The following DAPK1 variants were observed in gnomAD, a reference collection of about 807,000 sequenced individuals.
DAPK1 encodes death-associated protein kinase 1.
DAPK1 carries 56 observed loss-of-function variants against 144.9 expected under a neutral mutation model. That is an observed-to-expected ratio of 0.39 (90% CI 0.31 to 0.48). The LOEUF (loss-of-function observed/expected upper bound fraction) is 0.48, where lower values mean the gene tolerates loss of function less well. Among genes scored for constraint, DAPK1 ranks in the 20% least tolerant of loss-of-function variants. The probability of loss-of-function intolerance (pLI) is 0.95; values close to 1 mark genes in which losing one functional copy is unlikely to be tolerated. For missense variants in DAPK1, 1,454 were observed against 1,875.4 expected (o/e 0.78, Z 4.15); for synonymous variants, 690 against 749.0 (o/e 0.92, Z 1.29).
At chr9:87,702,444 TTGA>T (rs1251803332) in intron 24 of DAPK1, among the ~76,000 whole-genome samples, 1 of 152,156 alleles carries the variant, frequency 6.6e-6, no homozygotes, top group Admixed American at 6.5e-5. Flanking sequence ...CACTCTAATA[TTGA>T]TGATGATACT....
intron 2 of DAPK1, among the ~76,000 whole-genome samples, chr9:87,589,661 C>A (rs1002926131): frequency 3.3e-5 from 5 of 152,086 alleles, no homozygotes; most frequent in African/African-American, 1.2e-4. Flanking sequence ...ATTCCTTTTG[C>A]AAATTTGATT....
chr9:87,700,089 G>A, intron 23 of DAPK1, 28 bp from the exon 24 acceptor site: 1 of 1,603,522 alleles, frequency 6.2e-7, no homozygotes, highest in South Asian at 1.1e-5. Flanking sequence ...TTGACTCACT[G>A]CTGAGGAGGC....
intron 19 of DAPK1, among the ~76,000 whole-genome samples, chr9:87,674,514 CAAAAAAAAAAA>C (rs35817698): frequency 3.3e-4 from 22 of 67,632 alleles, no homozygotes; most frequent in African/African-American, 1.3e-3. Context: ...GACTCTGTCT[CAAAAAAAAAAA>C]AAAAAAAAAA....
chr9:87,518,160 G>A (rs1362406661), intron 2 of DAPK1, among the ~76,000 whole-genome samples: 1 of 144,092 alleles, frequency 6.9e-6, no homozygotes, highest in East Asian at 2.1e-4. Flanking sequence ...CACCCAGGCT[G>A]AAGTGCAGTG....
rs116605015 is a variant in DAPK1, at chr9:87,620,048, C to G, written c.284+14873C>G. On this transcript the variant is annotated intron_variant, in intron 3 of 25. Coordinates refer to ENST00000408954, the MANE Select transcript of DAPK1 (RefSeq NM_004938.4). ...GTTGAAAAGGAGATCTGAACCTCAT[C>G]TGCTCTCCTTAGAGGCCTCTGGTGG... Among the ~76,000 whole-genome samples, 537 of 152,302 alleles carry G rather than the reference C, an allele frequency of 3.5e-3. 6 individuals carry two copies. Among genetic ancestry groups the G allele is most frequent in the African/African-American group, 0.012 (503 of 41,570 alleles).
intron 3 of DAPK1, chr9:87,632,632 G>A: frequency 1.0e-6 from 1 of 982,848 alleles, no homozygotes; most frequent in Non-Finnish European, 1.2e-6. Context: ...CAGTATATAT[G>A]TAGGGATGAA....
intron 13 of DAPK1, 72 bp from the exon 14 acceptor site, chr9:87,647,233 G>A (rs1173957238): frequency 1.7e-6 from 2 of 1,182,442 alleles, no homozygotes; most frequent in East Asian, 4.7e-5. Context: ...AAATAACAGT[G>A]AGTCTGAGGA....
At chr9:87,541,116 C>T (rs1012009498) in intron 2 of DAPK1, among the ~76,000 whole-genome samples, 3 of 152,184 alleles carry the variant, frequency 2.0e-5, no homozygotes, top group African/African-American at 7.2e-5. Flanking sequence ...TACAAAATTG[C>T]AACATTCAAT....
Position 87,505,992 on chromosome 9 carries a change from G to A in DAPK1, c.62+6853G>A, listed in dbSNP as rs79213339. On this transcript the variant is annotated intron_variant, in intron 2 of 25. Coordinates refer to ENST00000408954, the MANE Select transcript of DAPK1 (RefSeq NM_004938.4). ...CGTCAGCCTCTCGCTGTGCCTGGCCGGGACTTTGACCTGGAAGAAGGCTGA... is the reference window on the plus strand; with the variant it reads ...CGTCAGCCTCTCGCTGTGCCTGGCCAGGACTTTGACCTGGAAGAAGGCTGA... Among the ~76,000 whole-genome samples, 1,110 of 152,270 alleles carry A rather than the reference G, an allele frequency of 7.3e-3. 7 individuals are homozygous for A. Among genetic ancestry groups the A allele is most frequent in the Non-Finnish European group, 0.013 (917 of 68,014 alleles).
intron 2 of DAPK1, among the ~76,000 whole-genome samples, chr9:87,589,055 A>ATTTTTTTTTTTTTT (rs35875159): frequency 2.0e-5 from 2 of 101,200 alleles, no homozygotes; most frequent in Non-Finnish European, 1.9e-5. Context: ...CGCCCGGCTA[A>ATTTTTTTTTTTTTT]TTTTTTTTTT....
At chr9:87,510,413 G>A (rs1163205220) in intron 2 of DAPK1, among the ~76,000 whole-genome samples, 2 of 152,200 alleles carry the variant, frequency 1.3e-5, no homozygotes, top group Non-Finnish European at 2.9e-5. Flanking sequence ...ATAACCTGGA[G>A]AATGAGAAGG....
intron 23 of DAPK1, among the ~76,000 whole-genome samples, chr9:87,699,792 C>T (rs1475698270): frequency 6.6e-6 from 1 of 152,180 alleles, no homozygotes; most frequent in African/African-American, 2.4e-5. Flanking sequence ...ATCTCTTGTC[C>T]TCACTTGTAA....
chr9:87,528,764 CG>C (rs79846576), intron 2 of DAPK1, among the ~76,000 whole-genome samples: 66,991 of 150,140 alleles, frequency 0.45, 15,187 homozygotes, highest in South Asian at 0.57. Context: ...CCCAGCTACT[CG>C]GGAGGCTGAG....
intron 2 of DAPK1, among the ~76,000 whole-genome samples, chr9:87,525,789 C>T (rs1185662928): frequency 6.6e-6 from 1 of 152,162 alleles, no homozygotes; most frequent in Non-Finnish European, 1.5e-5. Flanking sequence ...GTCTGAGGAG[C>T]TTAATTTCCC....
chr9:87,567,395 G>T (rs1034971050), intron 2 of DAPK1, among the ~76,000 whole-genome samples: 4 of 152,094 alleles, frequency 2.6e-5, no homozygotes, highest in Admixed American at 6.6e-5. Context: ...GGGAATGGGG[G>T]TAGGGAAGGG....
At chr9:87,623,717 C>G (rs978579653) in intron 3 of DAPK1, among the ~76,000 whole-genome samples, 1 of 152,004 alleles carries the variant, frequency 6.6e-6, no homozygotes. Context: ...AGGGATTGTG[C>G]CGGGGATCGA....
chr9:87,600,896 T>A (rs542202370), intron 2 of DAPK1, among the ~76,000 whole-genome samples: 71 of 152,328 alleles, frequency 4.7e-4, no homozygotes, highest in African/African-American at 1.6e-3. Flanking sequence ...CTTGCTGCTT[T>A]ATGTGCATTC....
chr9:87,671,180 G>A (rs949190215), intron 19 of DAPK1, among the ~76,000 whole-genome samples: 3 of 152,200 alleles, frequency 2.0e-5, no homozygotes, highest in East Asian at 1.9e-4. Context: ...TTGCTGCGGC[G>A]CTTCCTCCAA....
Position 87,649,956 on chromosome 9 carries a change from C to T in DAPK1, c.1464C>T (p.His488=), listed in dbSNP as rs774913098. 1.1e-5 allele frequency: 18 copies of T among 1,614,056 alleles called. No individual in the cohort carries two copies. Among genetic ancestry groups the T allele is most frequent in the Admixed American group, 1.7e-5 (1 of 60,008 alleles). Residue 488 remains histidine (H), a synonymous_variant, in exon 16 of 26, where the codon CAC becomes CAT. Transcript: ENST00000408954. The stretch of plus-strand genomic sequence containing the variant: ...CCCCCCTGCACTGTGCTGCTTGGCA[C>T]GGCTATTACTCTGTGGCCAAAGCCC... ...EETPLHCAAW[H]GYYSVAKALC...
Sources: gnomAD v4.1 joint callset for allele counts (sites outside exome capture counted in the v4.1 genomes callset) on GRCh38, gnomAD v4.1.1 for gene constraint, MANE v1.5 for transcripts, NCBI Gene and HGNC (gene_info 2026-07-23, HGNC 2026-07-21) for gene names.